Variants in CELF2 observed in about 807,000 individuals in gnomAD.
The protein encoded by CELF2 is CUGBP Elav-like family member 2, also known as CUG triplet repeat RNA-binding protein 2.
A neutral mutation model predicts 62.6 loss-of-function variants in CELF2; 8 were observed. The ratio of observed to expected loss-of-function variants is 0.13; its 90% CI spans 0.07 to 0.23. CELF2 has a LOEUF of 0.23. Ranked by LOEUF, CELF2 falls within the 10% of genes least tolerant of loss-of-function variation. The pLI, the probability that CELF2 is intolerant of heterozygous loss-of-function variation, is 1.00. For missense variants in CELF2, 333 were observed against 671.0 expected, an observed-to-expected ratio of 0.50 and a Z score of 5.56; for synonymous variants, 258 against 250.0, an observed-to-expected ratio of 1.03 and a Z score of -0.30.
At position 11,180,186 on chromosome 10, in the gene CELF2, A is replaced by G. The variant is rs1453336430; in HGVS notation, c.271+14504A>G. Among the ~76,000 whole-genome samples, 6 of 152,246 alleles carry G rather than the reference A, an allele frequency of 3.9e-5. No homozygotes were observed. The East Asian group carries it at 7.7e-4, about 20-fold the overall frequency. On this transcript the variant is annotated intron_variant, in intron 2 of 12. Coordinates refer to ENST00000633077, the MANE Select transcript of CELF2 (RefSeq NM_001326342.2). ...CGTTTCCTGGTTTCGGTGAATCTCC[A>G]TGTCTTGCTTAGCTTTTTTCTACCC...
the CELF2 span, among the ~76,000 whole-genome samples, chr10:10,671,608 A>G: frequency 6.6e-6 from 1 of 152,058 alleles, no homozygotes; most frequent in Non-Finnish European, 1.5e-5. Flanking sequence ...TGTGGTCAAT[A>G]TTCTGGATTT....
chr10:10,491,680 C>T, the CELF2 span, among the ~76,000 whole-genome samples: 10 of 152,146 alleles, frequency 6.6e-5, no homozygotes, highest in African/African-American at 2.4e-4. Context: ...GTTTGTGTTG[C>T]ATTCAAACCC....
At chr10:11,174,848 G>C (rs2070425162) in intron 2 of CELF2, among the ~76,000 whole-genome samples, 1 of 152,098 alleles carries the variant, frequency 6.6e-6, no homozygotes, top group African/African-American at 2.4e-5. Context: ...TAGTTTAATG[G>C]GAACTGCATC....
At chr10:11,104,986 T>C (rs1197249117) in intron 1 of CELF2, among the ~76,000 whole-genome samples, 4 of 152,204 alleles carry the variant, frequency 2.6e-5, no homozygotes, top group Admixed American at 2.6e-4. Context: ...GCTGGTCCAC[T>C]GTCACAGAAT....
At chr10:11,059,839 G>A (rs1159082836) in intron 1 of CELF2, among the ~76,000 whole-genome samples, 5 of 152,218 alleles carry the variant, frequency 3.3e-5, no homozygotes, top group Admixed American at 1.3e-4. Flanking sequence ...CTGGAATAGT[G>A]CACCTGAAGG....
At chr10:10,662,917 G>T in the CELF2 span, among the ~76,000 whole-genome samples, 2 of 152,134 alleles carry the variant, frequency 1.3e-5, no homozygotes, top group African/African-American at 4.8e-5. Context: ...ACAGCACTTG[G>T]CACAAACAAA....
chr10:10,974,355 T>C (rs909844012), intron 2 of CELF2, among the ~76,000 whole-genome samples: 5 of 152,296 alleles, frequency 3.3e-5, no homozygotes, highest in African/African-American at 1.2e-4. Flanking sequence ...AGTTTTCACA[T>C]AATTTTCTCT....
At chr10:11,151,820 G>C (rs971469680) in intron 1 of CELF2, among the ~76,000 whole-genome samples, 9 of 152,216 alleles carry the variant, frequency 5.9e-5, no homozygotes, top group Admixed American at 2.0e-4. Context: ...TAAAAACAAG[G>C]GTGTCTGGTT....
At position 11,077,413 on chromosome 10, in the gene CELF2, A is replaced by G. The variant is rs2072357198; in HGVS notation, c.74+59250A>G. ...GTGGGTCAGTTCTGATGAGTCCAGT[A>G]CTGAAGGCATTGTAAGGCTTTTATA... is the stretch of plus-strand genomic sequence containing the variant. On this transcript the variant is annotated intron_variant, in intron 1 of 12. Transcript: ENST00000633077. Among the ~76,000 whole-genome samples the G allele has an allele frequency of 2.0e-5, 3 of 152,220 alleles. No homozygotes were observed. The South Asian group carries it at 6.2e-4, about 31-fold the overall frequency.
At chr10:10,507,971 A>G in the CELF2 span, among the ~76,000 whole-genome samples, 2 of 152,228 alleles carry the variant, frequency 1.3e-5, no homozygotes, top group African/African-American at 4.8e-5. Flanking sequence ...TGATGAAATA[A>G]AGTAGATAAA....
At chr10:10,631,381 C>T in the CELF2 span, among the ~76,000 whole-genome samples, 1 of 152,136 alleles carries the variant, frequency 6.6e-6, no homozygotes, top group South Asian at 2.1e-4. Context: ...ACTAACCTTC[C>T]GTCTCCAACC....
At chr10:10,863,811 A>G (rs560852808) in intron 1 of CELF2, among the ~76,000 whole-genome samples, 43 of 152,310 alleles carry the variant, frequency 2.8e-4, no homozygotes, top group African/African-American at 1.0e-3. Context: ...AACAGAACTT[A>G]CCCTCTGGTC....
chr10:10,771,913 C>T, the CELF2 span, among the ~76,000 whole-genome samples: 1 of 152,196 alleles, frequency 6.6e-6, no homozygotes, highest in South Asian at 2.1e-4. Flanking sequence ...TCACTTACAA[C>T]TGAAAAAGTT....
At chr10:10,616,161 C>T in the CELF2 span, among the ~76,000 whole-genome samples, 9 of 152,050 alleles carry the variant, frequency 5.9e-5, no homozygotes, top group African/African-American at 2.2e-4. Flanking sequence ...CTGTATTTCT[C>T]CTAGGAGCAG....
At chr10:10,856,436 T>A (rs2059711377) in intron 1 of CELF2, among the ~76,000 whole-genome samples, 1 of 152,166 alleles carries the variant, frequency 6.6e-6, no homozygotes, top group Admixed American at 6.5e-5. Flanking sequence ...AGAGATCAAA[T>A]ATTTAAAGAC....
intron 1 of CELF2, among the ~76,000 whole-genome samples, chr10:10,887,135 CTTT>C (rs200724085): frequency 6.8e-6 from 1 of 146,010 alleles, no homozygotes. Context: ...CATTGTTACT[CTTT>C]TTTTTTTTTT....
intron 1 of CELF2, among the ~76,000 whole-genome samples, chr10:10,876,570 G>A (rs1267621768): frequency 6.6e-6 from 1 of 152,170 alleles, no homozygotes. Context: ...GTTTTAGGAG[G>A]CCGATTACTC....
At chr10:11,106,757 C>G (rs1307266742) in intron 1 of CELF2, among the ~76,000 whole-genome samples, 1 of 152,232 alleles carries the variant, frequency 6.6e-6, no homozygotes, top group African/African-American at 2.4e-5. Context: ...ACGGAAGGAG[C>G]TAACACCTGA....
At chr10:10,554,147 G>A in the CELF2 span, among the ~76,000 whole-genome samples, 5 of 152,130 alleles carry the variant, frequency 3.3e-5, no homozygotes, top group South Asian at 8.3e-4. Flanking sequence ...AGTGATAAGG[G>A]GGGAAAGTCA....
Sources: gnomAD v4.1 joint callset for allele counts (sites outside exome capture counted in the v4.1 genomes callset) on GRCh38, gnomAD v4.1.1 for gene constraint, MANE v1.5 for transcripts, NCBI Gene and HGNC (gene_info 2026-07-23, HGNC 2026-07-21) for gene names.